MKLN1: variants seen among roughly 807,000 people sequenced by gnomAD.
MKLN1 encodes the protein muskelin.
A neutral mutation model predicts 99.0 loss-of-function variants in MKLN1; 18 were observed. The ratio of observed to expected loss-of-function variants is 0.18; its 90% CI spans 0.13 to 0.27. The LOEUF (loss-of-function observed/expected upper bound fraction) is 0.27. Among genes scored for constraint, MKLN1 ranks in the 10% least tolerant of loss-of-function variants. The pLI, the probability that MKLN1 is intolerant of heterozygous loss-of-function variation, is 1.00. For missense variants in MKLN1, 621 were observed against 875.9 expected (o/e 0.71, Z 3.67); for synonymous variants, 288 against 293.2 (o/e 0.98, Z 0.18).
chr7:131,217,233 G>A (rs1796995747), intron 3 of MKLN1, among the ~76,000 whole-genome samples: 1 of 152,110 alleles, frequency 6.6e-6, no homozygotes, highest in South Asian at 2.1e-4. Context: ...CAACAGTAGT[G>A]ACTAAGAAGT....
chr7:131,461,449 T>G (rs1796512553), intron 12 of MKLN1, among the ~76,000 whole-genome samples: 1 of 151,956 alleles, frequency 6.6e-6, no homozygotes, highest in African/African-American at 2.4e-5. Context: ...GTATACAAAT[T>G]GTATGGTGTG....
chr7:131,130,344 G>A (rs907328042), intron 1 of MKLN1, among the ~76,000 whole-genome samples: 4 of 152,214 alleles, frequency 2.6e-5, no homozygotes, highest in African/African-American at 2.4e-5. Context: ...AGTTTGGTTA[G>A]GGAAAGAAAG....
At chr7:131,380,232 T>C (rs762966660) in intron 2 of MKLN1, among the ~76,000 whole-genome samples, 1 of 152,176 alleles carries the variant, frequency 6.6e-6, no homozygotes, top group East Asian at 1.9e-4. Flanking sequence ...GAAGATATAC[T>C]TTTTTAGGAA....
At chr7:131,444,334 C>T (rs1402583073) in intron 11 of MKLN1, among the ~76,000 whole-genome samples, 1 of 151,746 alleles carries the variant, frequency 6.6e-6, no homozygotes, top group Non-Finnish European at 1.5e-5. Flanking sequence ...CCAGGCTGGT[C>T]TTGAACTCCT....
intron 3 of MKLN1, among the ~76,000 whole-genome samples, chr7:131,262,123 TA>T (rs572889536): frequency 1.7e-3 from 257 of 152,190 alleles, no homozygotes; most frequent in African/African-American, 5.9e-3. Context: ...TCCTGGAACC[TA>T]AAAAAAGATT....
chr7:131,334,877 T>G (rs903228847), intron 1 of MKLN1, among the ~76,000 whole-genome samples: 1 of 152,232 alleles, frequency 6.6e-6, no homozygotes, highest in African/African-American at 2.4e-5. Flanking sequence ...CAGTTGAGAA[T>G]TTAGAGATCC....
chr7:131,157,684 C>G (rs2116304068), intron 2 of MKLN1, among the ~76,000 whole-genome samples: 1 of 152,172 alleles, frequency 6.6e-6, no homozygotes, highest in Middle Eastern at 3.4e-3. Context: ...GCAAAAGCTC[C>G]TGAAAAGGAT....
intron 1 of MKLN1, among the ~76,000 whole-genome samples, chr7:131,118,514 T>C (rs1353752882): frequency 1.3e-5 from 2 of 150,230 alleles, no homozygotes; most frequent in East Asian, 2.0e-4. Context: ...GATGGCGTCA[T>C]TGCACTCCAG....
intron 3 of MKLN1, among the ~76,000 whole-genome samples, chr7:131,229,848 T>G (rs1263751082): frequency 1.3e-5 from 2 of 152,106 alleles, no homozygotes; most frequent in Non-Finnish European, 2.9e-5. Context: ...GCCACCACAC[T>G]TAGGCGGTGA....
intron 15 of MKLN1, among the ~76,000 whole-genome samples, chr7:131,470,352 A>G (rs957102167): frequency 6.6e-6 from 1 of 152,232 alleles, no homozygotes; most frequent in Non-Finnish European, 1.5e-5. Context: ...ATTAAAAGTA[A>G]TCAGTGTTAA....
chr7:131,169,743 A>T (rs942486130), intron 2 of MKLN1, among the ~76,000 whole-genome samples: 11 of 152,226 alleles, frequency 7.2e-5, no homozygotes, highest in Admixed American at 3.9e-4. Flanking sequence ...TCACAAGAAG[A>T]GATTTTTCCA....
intron 3 of MKLN1, among the ~76,000 whole-genome samples, chr7:131,263,994 G>C (rs1269983182): frequency 6.6e-6 from 1 of 152,138 alleles, no homozygotes; most frequent in Middle Eastern, 3.2e-3. Context: ...TAAAGACAGA[G>C]GCTTTTCCTT....
intron 1 of MKLN1, among the ~76,000 whole-genome samples, chr7:131,364,785 T>A (rs1340221148): frequency 1.3e-5 from 2 of 152,056 alleles, no homozygotes; most frequent in African/African-American, 4.8e-5. Context: ...AAAGAAATGA[T>A]CTCGTTTTTT....
chr7:131,400,787 T>C (rs964160092), intron 6 of MKLN1, among the ~76,000 whole-genome samples: 1 of 152,054 alleles, frequency 6.6e-6, no homozygotes, highest in South Asian at 2.1e-4. Flanking sequence ...AAAAATCTTG[T>C]GCAGTTTTGA....
chr7:131,319,790 G>A (rs1188822880), intron 3 of MKLN1, among the ~76,000 whole-genome samples: 1 of 152,060 alleles, frequency 6.6e-6, no homozygotes, highest in Non-Finnish European at 1.5e-5. Context: ...ACCAATCATA[G>A]AGAACAGAGA....
chr7:131,228,464 A>G (rs142705015), intron 3 of MKLN1, among the ~76,000 whole-genome samples: 14 of 152,300 alleles, frequency 9.2e-5, no homozygotes, highest in African/African-American at 3.4e-4. Context: ...AGGAATCAAG[A>G]GGAATAAAGA....
intron 3 of MKLN1, among the ~76,000 whole-genome samples, chr7:131,289,015 G>T (rs1170584086): frequency 6.6e-6 from 1 of 152,088 alleles, no homozygotes; most frequent in Non-Finnish European, 1.5e-5. Context: ...AAGTAAATGG[G>T]GGTCTCACTG....
chr7:131,238,229 T>G (rs571005160), intron 3 of MKLN1, among the ~76,000 whole-genome samples: 1 of 152,290 alleles, frequency 6.6e-6, no homozygotes, highest in South Asian at 2.1e-4. Context: ...CAGTCCTAAA[T>G]TGGTACTAGA....
chr7:131,291,709 C>T (rs1363325350), intron 3 of MKLN1, among the ~76,000 whole-genome samples: 2 of 147,464 alleles, frequency 1.4e-5, no homozygotes, highest in Non-Finnish European at 3.0e-5. Flanking sequence ...ATCACAGCTG[C>T]TCCAGTTGGA....
Sources: gnomAD v4.1 joint callset for allele counts (sites outside exome capture counted in the v4.1 genomes callset) on GRCh38, gnomAD v4.1.1 for gene constraint, MANE v1.5 for transcripts, NCBI Gene and HGNC (gene_info 2026-07-23, HGNC 2026-07-21) for gene names.